The following PLCB1 variants were observed in gnomAD, a reference collection of about 807,000 sequenced individuals.
The protein encoded by PLCB1 is 1-phosphatidylinositol 4,5-bisphosphate phosphodiesterase beta-1.
In PLCB1, 46 loss-of-function variants were observed where a neutral mutation model predicts 161.8. The ratio of observed to expected loss-of-function variants is 0.28; its 90% CI spans 0.22 to 0.36. The LOEUF is 0.36. PLCB1 is among the 10% of genes least tolerant of loss of function. PLCB1 has a pLI of 1.00. For missense variants in PLCB1, 1,016 were observed against 1,472.5 expected, an observed-to-expected ratio of 0.69 and a Z score of 5.07; for synonymous variants, 517 against 503.7, an observed-to-expected ratio of 1.03 and a Z score of -0.35.
At chr20:8,590,579 A>G (rs889492824) in intron 3 of PLCB1, among the ~76,000 whole-genome samples, 4 of 152,092 alleles carry the variant, frequency 2.6e-5, no homozygotes, top group African/African-American at 9.7e-5. Context: ...CGTAGAGGTT[A>G]CTTGGCTAAG....
chr20:8,543,990 C>G (rs1410136541), intron 3 of PLCB1, among the ~76,000 whole-genome samples: 2 of 152,064 alleles, frequency 1.3e-5, no homozygotes, highest in Admixed American at 6.6e-5. Flanking sequence ...TGAGAATGGA[C>G]TAATATACAA....
intron 2 of PLCB1, among the ~76,000 whole-genome samples, chr20:8,361,463 C>CA (rs2122301734): frequency 6.6e-6 from 1 of 152,214 alleles, no homozygotes; most frequent in African/African-American, 2.4e-5. Context: ...GGAGGTGAAT[C>CA]ACCCAGCACA....
intron 31 of PLCB1, among the ~76,000 whole-genome samples, chr20:8,811,534 C>A (rs1010250073): frequency 1.3e-5 from 2 of 152,170 alleles, no homozygotes; most frequent in African/African-American, 2.4e-5. Context: ...AGATATTTCA[C>A]CTACATTAAT....
intron 2 of PLCB1, among the ~76,000 whole-genome samples, chr20:8,215,176 C>G (rs1433376416): frequency 6.6e-6 from 1 of 152,052 alleles, no homozygotes; most frequent in African/African-American, 2.4e-5. Context: ...AAGCTCCCAT[C>G]AGACCTTTCT....
rs549418903 is a variant in PLCB1 at position 8,407,610 on chromosome 20, G to A, written c.246+36160G>A. Reference sequence around the variant, plus strand: ...CACGAGAATAGCATGGGAAAGACAGGCCCCCATGATTCAGTGATCTTCCCT... The same window carrying A: ...CACGAGAATAGCATGGGAAAGACAGACCCCCATGATTCAGTGATCTTCCCT... On this transcript the variant is annotated intron_variant, in intron 3 of 31. Transcript: ENST00000338037. Among the ~76,000 whole-genome samples, 6 of 152,224 alleles carry A rather than the reference G, an allele frequency of 3.9e-5. No individual in the cohort carries two copies. The South Asian group carries it at 1.0e-3, about 26-fold the overall frequency.
At chr20:8,875,103 A>T (rs529965098) in intron 31 of PLCB1, among the ~76,000 whole-genome samples, 1 of 151,860 alleles carries the variant, frequency 6.6e-6, no homozygotes, top group South Asian at 2.1e-4. Flanking sequence ...TTTCAAATAT[A>T]TATAGTTGTA....
intron 7 of PLCB1, among the ~76,000 whole-genome samples, chr20:8,654,886 A>G (rs1332088526): frequency 6.6e-6 from 1 of 151,974 alleles, no homozygotes; most frequent in Non-Finnish European, 1.5e-5. Context: ...CATCTCCCCT[A>G]TAGCCTTTCA....
chr20:8,187,404 G>A (rs1344416530), intron 2 of PLCB1, among the ~76,000 whole-genome samples: 1 of 152,094 alleles, frequency 6.6e-6, no homozygotes, highest in East Asian at 1.9e-4. Context: ...CAGCCACCAT[G>A]TCCTTTGCAT....
chr20:8,382,283 CTTTTTTTT>C (rs71331303), intron 3 of PLCB1, among the ~76,000 whole-genome samples: 9 of 130,556 alleles, frequency 6.9e-5, no homozygotes, highest in African/African-American at 2.3e-4. Flanking sequence ...GTTTCTTTTT[CTTTTTTTT>C]TTTTTTTTTG....
chr20:8,312,380 G>A (rs742615), intron 2 of PLCB1, among the ~76,000 whole-genome samples: 33,587 of 151,966 alleles, frequency 0.22, 4,084 homozygotes, highest in East Asian at 0.37. Flanking sequence ...GCCAAAAACT[G>A]CACTTTATTT....
chr20:8,661,830 T>C (rs1198516448), intron 9 of PLCB1, among the ~76,000 whole-genome samples: 1 of 148,864 alleles, frequency 6.7e-6, no homozygotes, highest in South Asian at 2.1e-4. Flanking sequence ...CGTTAAGTAA[T>C]TCATAACTTC....
At chr20:8,733,645 G>GC (rs1195076371) in intron 19 of PLCB1, among the ~76,000 whole-genome samples, 1 of 142,326 alleles carries the variant, frequency 7.0e-6, no homozygotes, top group African/African-American at 3.0e-5. Flanking sequence ...GTTGTGGGGT[G>GC]GGGGGAGCGG....
At chr20:8,762,326 A>G (rs1568589135) in intron 25 of PLCB1, among the ~76,000 whole-genome samples, 1 of 152,254 alleles carries the variant, frequency 6.6e-6, no homozygotes, top group Non-Finnish European at 1.5e-5. Flanking sequence ...ACAAAAGGCA[A>G]TGGTCTGTAC....
intron 3 of PLCB1, among the ~76,000 whole-genome samples, chr20:8,565,132 A>G (rs1241622622): frequency 1.3e-5 from 2 of 152,240 alleles, no homozygotes; most frequent in Non-Finnish European, 2.9e-5. Context: ...TGTGGCACAT[A>G]TATACCATGA....
intron 2 of PLCB1, among the ~76,000 whole-genome samples, chr20:8,279,009 TG>T (rs146225084): frequency 4.7e-5 from 7 of 149,786 alleles, no homozygotes; most frequent in Non-Finnish European, 7.4e-5. Flanking sequence ...AAATAGCAAG[TG>T]TTGGCAAGGA....
In PLCB1 at chr20:8,855,651, C is replaced by T. The variant is rs534814762; in HGVS notation, c.3424-25971C>T. Among the ~76,000 whole-genome samples the T allele has an allele frequency of 1.6e-4, 24 of 152,304 alleles. No homozygotes were observed. In the South Asian group the frequency reaches 5.0e-3, roughly 32 times the overall value. On this transcript the variant is annotated intron_variant, in intron 31 of 31. Coordinates refer to ENST00000338037, the MANE Select transcript of PLCB1 (RefSeq NM_015192.4). ...ATTTTGTTCTAAGAAGGGATTGAGACCTAATGATGCCAGACAACATTTTAA... is the reference window on the plus strand; with the variant it reads ...ATTTTGTTCTAAGAAGGGATTGAGATCTAATGATGCCAGACAACATTTTAA...
chr20:8,817,267 T>A (rs1182814408), intron 31 of PLCB1, among the ~76,000 whole-genome samples: 2 of 152,190 alleles, frequency 1.3e-5, no homozygotes, highest in African/African-American at 4.8e-5. Flanking sequence ...AAGGTCCAAG[T>A]GAAAGCAGGT....
At chr20:8,449,403 A>G (rs1235955916) in intron 3 of PLCB1, among the ~76,000 whole-genome samples, 3 of 152,228 alleles carry the variant, frequency 2.0e-5, no homozygotes, top group Non-Finnish European at 4.4e-5. Flanking sequence ...TGCTGTAGAC[A>G]GTTAATTGCC....
chr20:8,155,627 G>A (rs1251683019), intron 2 of PLCB1, among the ~76,000 whole-genome samples: 1 of 152,064 alleles, frequency 6.6e-6, no homozygotes, highest in Non-Finnish European at 1.5e-5. Flanking sequence ...AGAACTACTG[G>A]GTACCACACA....
Sources: gnomAD v4.1 joint callset for allele counts (sites outside exome capture counted in the v4.1 genomes callset) on GRCh38, gnomAD v4.1.1 for gene constraint, MANE v1.5 for transcripts, NCBI Gene and HGNC (gene_info 2026-07-23, HGNC 2026-07-21) for gene names.